Variants in ROBO1 observed in about 807,000 individuals in gnomAD.
ROBO1 encodes the protein roundabout homolog 1.
In ROBO1, 149 loss-of-function variants were observed where a neutral mutation model predicts 195.9. That is an observed-to-expected ratio of 0.76 (90% CI 0.67 to 0.87). The LOEUF (loss-of-function observed/expected upper bound fraction) is 0.87, where lower values mean the gene tolerates loss of function less well. ROBO1 is among the 40% of genes least tolerant of loss of function. ROBO1 has a pLI of 0.00. For synonymous variants in ROBO1, 816 were observed against 733.2 expected, an observed-to-expected ratio of 1.11 and a Z score of -1.82; for missense variants, 1,933 against 2,068.3, an observed-to-expected ratio of 0.93 and a Z score of 1.27.
intron 3 of ROBO1, among the ~76,000 whole-genome samples, chr3:79,004,844 G>C (rs990967052): frequency 2.0e-5 from 3 of 152,120 alleles, no homozygotes; most frequent in African/African-American, 7.2e-5. Context: ...ATAAGAAAAT[G>C]AATTAAACAT....
chr3:78,668,329 A>G, intron 12 of ROBO1, 27 bp from the exon 13 acceptor site: 2 of 1,611,510 alleles, frequency 1.2e-6, no homozygotes, highest in Non-Finnish European at 8.5e-7. Context: ...AGGCCAAAAT[A>G]AAAGATGTTT....
At chr3:78,738,662 ATTCTCAT>A (rs2082450225) in intron 5 of ROBO1, among the ~76,000 whole-genome samples, 1 of 152,126 alleles carries the variant, frequency 6.6e-6, no homozygotes, top group Non-Finnish European at 1.5e-5. Context: ...TGGGAATAGA[ATTCTCAT>A]TTCTAACACC....
At chr3:78,704,615 G>C (rs79150195) in intron 8 of ROBO1, among the ~76,000 whole-genome samples, 9 of 55,990 alleles carry the variant, frequency 1.6e-4, no homozygotes, top group African/African-American at 4.6e-4. Flanking sequence ...CACACACACA[G>C]ACACACACAC....
Position 78,598,913 on chromosome 3 carries a change from T to G in ROBO1, c.4956A>C (p.Ter1652CysextTer7), listed in dbSNP as rs764002076. 6.3e-7 allele frequency: 1 copy of G among 1,575,138 alleles called. No individual in the cohort carries two copies. Among genetic ancestry groups the G allele is most frequent in the East Asian group, 2.3e-5 (1 of 44,408 alleles). ...GATCTCATAAGCCTCTTGGTTGTCT[T>G]CAGCTTTCAGTTTCCTGTAAGAGAT... ...NNEELEETES[*>C] The change falls in exon 31 of 31, where the codon TGA becomes TGC. Residue 1652 changes from the stop codon to cysteine, a stop_lost. Coordinates refer to ENST00000464233, the MANE Select transcript of ROBO1 (RefSeq NM_002941.4).
intron 28 of ROBO1, among the ~76,000 whole-genome samples, chr3:78,612,513 C>G (rs996558258): frequency 3.3e-5 from 5 of 152,144 alleles, no homozygotes; most frequent in Admixed American, 6.5e-5. Context: ...TACGTCATAA[C>G]CACTGCCATC....
At chr3:79,468,516 T>C (rs1190231263) in intron 2 of ROBO1, among the ~76,000 whole-genome samples, 2 of 152,192 alleles carry the variant, frequency 1.3e-5, no homozygotes, top group African/African-American at 4.8e-5. Context: ...GTAAGTCGTA[T>C]GTAATCAAGA....
intron 1 of ROBO1, among the ~76,000 whole-genome samples, chr3:79,616,536 A>G (rs1383924166): frequency 6.6e-6 from 1 of 151,996 alleles, no homozygotes; most frequent in Non-Finnish European, 1.5e-5. Flanking sequence ...ACCAGATAAC[A>G]TGGTCTCCCT....
At chr3:79,667,409 A>G (rs1946505664) in intron 1 of ROBO1, among the ~76,000 whole-genome samples, 2 of 151,804 alleles carry the variant, frequency 1.3e-5, no homozygotes, top group African/African-American at 4.8e-5. Context: ...ACATTGTTAT[A>G]TATTATAACT....
intron 6 of ROBO1, 122 bp downstream of exon 6, chr3:78,717,641 C>T (rs2081934972): frequency 1.2e-5 from 14 of 1,148,102 alleles, no homozygotes; most frequent in Non-Finnish European, 1.6e-5. Flanking sequence ...TTTCTTCTCT[C>T]CTCTTTCTAC....
chr3:78,889,638 C>G (rs2036770153), intron 4 of ROBO1, among the ~76,000 whole-genome samples: 1 of 151,026 alleles, frequency 6.6e-6, no homozygotes, highest in Non-Finnish European at 1.5e-5. Flanking sequence ...GGTTTTGATT[C>G]CTGCTTGTGA....
intron 4 of ROBO1, among the ~76,000 whole-genome samples, chr3:78,841,707 G>A (rs1412835645): frequency 6.6e-6 from 1 of 151,984 alleles, no homozygotes; most frequent in Non-Finnish European, 1.5e-5. Context: ...AGATAAATGA[G>A]AAACAGAAAA....
chr3:79,672,753 T>C (rs1946667440), intron 1 of ROBO1, among the ~76,000 whole-genome samples: 1 of 151,896 alleles, frequency 6.6e-6, no homozygotes, highest in Non-Finnish European at 1.5e-5. Flanking sequence ...AAGTGGCAAT[T>C]TGACATGCAA....
At chr3:79,472,945 A>AGGTGAGGGGAAGGTGCTAGGG (rs1380055182) in intron 2 of ROBO1, among the ~76,000 whole-genome samples, 1 of 152,160 alleles carries the variant, frequency 6.6e-6, no homozygotes. Flanking sequence ...GATATTAGCT[A>AGGTGAGGGGAAGGTGCTAGGG]GGTGAGGGGA....
chr3:78,907,178 A>G (rs901072106), intron 4 of ROBO1, among the ~76,000 whole-genome samples: 2 of 152,114 alleles, frequency 1.3e-5, no homozygotes, highest in Admixed American at 6.6e-5. Context: ...ATGTTATGTT[A>G]AAATCTACTG....
chr3:79,310,372 T>A (rs911231426), intron 2 of ROBO1, among the ~76,000 whole-genome samples: 1 of 152,146 alleles, frequency 6.6e-6, no homozygotes, highest in Admixed American at 6.5e-5. Flanking sequence ...GCCTTTTATA[T>A]CCCATAGCTC....
intron 2 of ROBO1, among the ~76,000 whole-genome samples, chr3:79,489,675 A>G (rs1262938245): frequency 6.6e-6 from 1 of 151,816 alleles, no homozygotes; most frequent in African/African-American, 2.4e-5. Flanking sequence ...AAAAAGAAAG[A>G]AAGAAGTAAC....
rs554626696 is a variant in ROBO1, at chr3:79,498,594, C to T, written c.88+91230G>A. ...TGTGGCCGGGCACGGTGGCTCACGC[C>T]TGTAATCCCAGCACTTTGGGAGGCC... On this transcript the variant is annotated intron_variant, in intron 2 of 30. Coordinates refer to ENST00000464233, the MANE Select transcript of ROBO1 (RefSeq NM_002941.4). 1.6e-4 allele frequency among the ~76,000 whole-genome samples: 24 copies of T among 152,316 alleles called. No individual in the cohort carries two copies. In the South Asian group the frequency reaches 4.8e-3, roughly 30 times the overall value.
chr3:79,614,641 C>T (rs182090542), intron 1 of ROBO1, among the ~76,000 whole-genome samples: 159 of 152,026 alleles, frequency 1.0e-3, no homozygotes, highest in Middle Eastern at 3.4e-3. Flanking sequence ...AATAAAGATA[C>T]ATTTAACAAA....
intron 1 of ROBO1, among the ~76,000 whole-genome samples, chr3:79,731,143 ATC>A (rs1006153268): frequency 6.6e-6 from 1 of 152,178 alleles, no homozygotes; most frequent in African/African-American, 2.4e-5. Context: ...ACTTTAATAT[ATC>A]TCTGTCTCTT....
Sources: gnomAD v4.1 joint callset for allele counts (sites outside exome capture counted in the v4.1 genomes callset) on GRCh38, gnomAD v4.1.1 for gene constraint, MANE v1.5 for transcripts, NCBI Gene and HGNC (gene_info 2026-07-23, HGNC 2026-07-21) for gene names.